The following STING1 variants were observed in gnomAD, a reference collection of about 807,000 sequenced individuals.
STING1 encodes stimulator of interferon genes protein.
In STING1, 19 loss-of-function variants were observed where a neutral mutation model predicts 31.6. That is an observed-to-expected ratio of 0.60 (90% CI 0.42 to 0.88). The LOEUF is 0.88. Among genes scored for constraint, STING1 ranks in the 40% least tolerant of loss-of-function variants. STING1 has a pLI of 0.00. For synonymous variants in STING1, 200 were observed against 208.6 expected, an observed-to-expected ratio of 0.96 and a Z score of 0.35; for missense variants, 371 against 483.7, an observed-to-expected ratio of 0.77 and a Z score of 2.19.
intron 5 of STING1, among the ~76,000 whole-genome samples, chr5:139,479,801 A>G (rs1034892121): frequency 2.1e-5 from 3 of 146,268 alleles, no homozygotes; most frequent in Non-Finnish European, 4.5e-5. Flanking sequence ...TCAAGAATTC[A>G]AGACCAGCCT....
rs2152092975 is a variant in STING1 at position 139,476,023 on chromosome 5, G to A, written c.*238C>T. On this transcript the variant is annotated 3_prime_UTR_variant, in exon 8 of 8. Coordinates refer to ENST00000330794, the MANE Select transcript of STING1 (RefSeq NM_198282.4). ...CACACTCAGTCCTCACAACAACCGTGAGGGAGGTAAGGCAGTGATTATGAT... is the reference window on the plus strand; with the variant it reads ...CACACTCAGTCCTCACAACAACCGTAAGGGAGGTAAGGCAGTGATTATGAT... 2 of 479,510 alleles carry A rather than the reference G, an allele frequency of 4.2e-6. No homozygotes were observed. Among genetic ancestry groups the A allele is most frequent in the South Asian group, 3.5e-5 (1 of 28,190 alleles). The allele number at this position is 479,510 out of a possible 1,614,324, so 29.7% of individuals were successfully genotyped here. A position where few individuals can be genotyped will look rare whatever the true frequency, so the allele number is the denominator to read the frequency against.
In STING1 at chr5:139,481,726, T is replaced by C; in HGVS notation, c.1-22A>G. The C allele has an allele frequency of 6.3e-7, 1 of 1,577,920 alleles. No individual in the cohort carries two copies. The highest frequency in any genetic ancestry group is 8.7e-7 in the Non-Finnish European group (1 of 1,152,972). On this transcript the variant is annotated intron_variant, in intron 2 of 7. Transcript: ENST00000330794. This position sits in a 1 kb window ranked among gnomAD's most constrained non-coding sequence, Gnocchi z 4.1. Reference sequence around the variant, plus strand: ...GCATCTGTGGGCACCAAGAAATCCATGACCATTCTCCCCTTGCCCTCCTGC... The same window carrying C: ...GCATCTGTGGGCACCAAGAAATCCACGACCATTCTCCCCTTGCCCTCCTGC...
chr5:139,478,330 A>C lies in STING1; in HGVS notation c.699T>G (p.Ala233=), dbSNP rs2152093563. ...DKLPQQTGDH[A]GIKDRVYSNS... ...TGCTGTAAACCCGATCCTTGATGCC[A>C]GCATGGTCACCGGTCTGCTGGGGCA... is the stretch of plus-strand genomic sequence containing the variant. The change falls in exon 6 of 8, where the codon GCT becomes GCG. Residue 233 remains alanine, a synonymous_variant. Transcript: ENST00000330794. The C allele has an allele frequency of 1.2e-6, 2 of 1,614,168 alleles. No individual in the cohort carries two copies. The highest frequency in any genetic ancestry group is 1.7e-5 in the Admixed American group (1 of 60,016).
chr5:139,476,336 G>T lies in STING1; in HGVS notation c.1065C>A (p.Ser355=), dbSNP rs1173366262. 3 of 1,612,360 alleles carry T rather than the reference G, an allele frequency of 1.9e-6. No homozygotes were observed. The highest frequency in any genetic ancestry group is 1.7e-6 in the Non-Finnish European group (2 of 1,179,752). ...GGAGCTCAGGCTCTTGGGACATCGTGGAGGTACTGGGCACCGCTGAGGTCT... is the reference window on the plus strand; with the variant it reads ...GGAGCTCAGGCTCTTGGGACATCGTTGAGGTACTGGGCACCGCTGAGGTCT... ...SLKTSAVPST[S]TMSQEPELLI... Residue 355 remains serine (S), a synonymous_variant, in exon 8 of 8, where the codon TCC becomes TCA. Coordinates refer to ENST00000330794, the MANE Select transcript of STING1 (RefSeq NM_198282.4).
chr5:139,481,842 C>T lies in STING1; in HGVS notation c.1-138G>A. The T allele has an allele frequency of 1.5e-6, 1 of 683,712 alleles. No homozygotes were observed. Among genetic ancestry groups the T allele is most frequent in the South Asian group, 2.0e-5 (1 of 49,452 alleles). 42.4% of individuals were successfully genotyped at this position (683,712 alleles called of 1,614,324 possible). ...CTCCCAGAGGCTGCTCTTAGAGACA[C>T]CTCTAGGAGGCAGGCTGGGAATAAG... On this transcript the variant is annotated intron_variant, in intron 2 of 7. Transcript: ENST00000330794. The surrounding 1 kb of genome is among the most constrained non-coding windows in gnomAD (Gnocchi z 4.1).
At chr5:139,478,675 C>G in intron 5 of STING1, 167 bp from the exon 6 acceptor site, 1 of 634,858 alleles carries the variant, frequency 1.6e-6, no homozygotes, top group East Asian at 2.6e-5. Context: ...CTCCAAAAGC[C>G]CTCCCCACCC....
intron 5 of STING1, 50 bp from the exon 6 acceptor site, chr5:139,478,558 C>A: frequency 6.5e-7 from 1 of 1,544,400 alleles, no homozygotes. Context: ...TATCTCCCAC[C>A]TGATTCAGGA....
At chr5:139,477,208 A>G in intron 7 of STING1, 121 bp downstream of exon 7, 1 of 1,030,888 alleles carries the variant, frequency 9.7e-7, no homozygotes, top group African/African-American at 1.6e-5. Flanking sequence ...TCTCCCAGGG[A>G]AGGAAGGACA....
Position 139,476,375 on chromosome 5 carries a change from A to G in STING1, c.1026T>C (p.Thr342=), listed in dbSNP as rs1396411021. The G allele has an allele frequency of 5.6e-6, 9 of 1,612,658 alleles. No homozygotes were observed. Among genetic ancestry groups the G allele is most frequent in the Admixed American group, 1.7e-5 (1 of 59,994 alleles). The change falls in exon 8 of 8, where the codon ACT becomes ACC. Residue 342 remains threonine (T), a synonymous_variant. Coordinates refer to ENST00000330794, the MANE Select transcript of STING1 (RefSeq NM_198282.4). ...HLRQEEKEEV[T]VGSLKTSAVP... is the part of the protein sequence containing the mutation. ...CCGCTGAGGTCTTCAAGCTGCCCAC[A>G]GTAACCTCTTCCTTTTCCTCCTGCC... is the stretch of plus-strand genomic sequence containing the variant.
intron 5 of STING1, chr5:139,479,192 A>T (rs1440918511): frequency 6.6e-6 from 1 of 151,754 alleles, no homozygotes; most frequent in Non-Finnish European, 1.5e-5. Context: ...TCTTGTCACC[A>T]CTGTACTCCA....
rs1173275930 is a variant in STING1, at chr5:139,478,501, C to T, written c.528G>A (p.Gln176=). The T allele has an allele frequency of 1.2e-6, 2 of 1,613,886 alleles. 1 individual carries two copies. The highest frequency in any genetic ancestry group is 2.2e-5 in the South Asian group (2 of 91,080). ...GYLRLILPEL[Q]ARIRTYNQHY... ...GCTGATTGTAAGTTCGAATCCGGGC[C>T]TGGAGCTCTGAGGCAGGGAAGCCCA... is the stretch of plus-strand genomic sequence containing the variant. The change falls in exon 6 of 8, where the codon CAG becomes CAA. Residue 176 remains glutamine, a synonymous_variant. Transcript: ENST00000330794.
chr5:139,479,885 G>A (rs369188402), intron 5 of STING1, among the ~76,000 whole-genome samples: 69 of 136,614 alleles, frequency 5.1e-4, no homozygotes, highest in African/African-American at 1.5e-3. Flanking sequence ...AAGCCATGCC[G>A]GTGGCAGGGA....
chr5:139,475,890 G>A lies in STING1; in HGVS notation c.*371C>T, dbSNP rs146354051. On this transcript the variant is annotated 3_prime_UTR_variant, in exon 8 of 8. Coordinates refer to ENST00000330794, the MANE Select transcript of STING1 (RefSeq NM_198282.4). ...ACCATTGAGAGAGTTCGGCGTCCCC[G>A]GGCAAAGGAAGGGGAGAAGGGTGGG... is the stretch of plus-strand genomic sequence containing the variant. 138 of 169,858 alleles carry A rather than the reference G, an allele frequency of 8.1e-4. No homozygotes were observed. Among genetic ancestry groups the A allele is most frequent in the Middle Eastern group, 5.8e-3 (2 of 346 alleles). The allele number at this position is 169,858 out of a possible 1,614,324, so 10.5% of individuals were successfully genotyped here. A position where few individuals can be genotyped will look rare whatever the true frequency, so the allele number is the denominator to read the frequency against.
Position 139,481,086 on chromosome 5 carries a change from A to G in STING1, c.411+73T>C. 6.8e-7 allele frequency: 1 copy of G among 1,474,638 alleles called. No homozygotes were observed. 91.3% of individuals were successfully genotyped at this position (1,474,638 alleles called of 1,614,324 possible). A position where few individuals can be genotyped will look rare whatever the true frequency, so the allele number is the denominator to read the frequency against. On this transcript the variant is annotated intron_variant, in intron 4 of 7. Transcript: ENST00000330794. The surrounding 1 kb of genome is among the most constrained non-coding windows in gnomAD (Gnocchi z 4.1). ...CCTTTAAACCAGTCCCACTCCCAGT[A>G]CTCAGCTCAGGGCAGGTCACACCAG...
At position 139,477,493 on chromosome 5, in the gene STING1, T is replaced by C; in HGVS notation, c.782A>G (p.Tyr261Cys). The C allele has an allele frequency of 6.2e-7, 1 of 1,614,036 alleles. No individual in the cohort carries two copies. The highest frequency in any genetic ancestry group is 8.5e-7 in the Non-Finnish European group (1 of 1,179,962). ...AAACAAAGTCTGCAAGGGGGTGGCG[T>C]ACTCCAGGACACAGGTGCCCGCCTA... is the stretch of plus-strand genomic sequence containing the variant. ...GQRAGTCVLE[Y>C]ATPLQTLFAM... Residue 261 changes from tyrosine (Y) to cysteine (C), a missense_variant, in exon 7 of 8, where the codon TAC becomes TGC. Tyr to Cys is a radical substitution (Grantham distance 194). Coordinates refer to ENST00000330794, the MANE Select transcript of STING1 (RefSeq NM_198282.4).
Position 139,476,451 on chromosome 5 carries a change from G to T in STING1, c.950C>A (p.Pro317His). 6.2e-7 allele frequency: 1 copy of T among 1,612,150 alleles called. No homozygotes were observed. Among genetic ancestry groups the T allele is most frequent in the Non-Finnish European group, 8.5e-7 (1 of 1,179,886 alleles). ...CAGCGAGAAGCTGCTGTCATCTGCA[G>T]GTTCTGGAACAGGGAGATAGGGGAG... Reference protein sequence around the residue: ...NNCRLIAYQEPADDSSFSLSQ... With the variant: ...NNCRLIAYQEHADDSSFSLSQ... Residue 317 changes from proline to histidine, a missense_variant, in exon 8 of 8, where the codon CCT becomes CAT. Transcript: ENST00000330794.
intron 6 of STING1, 55 bp from the exon 7 acceptor site, chr5:139,477,570 T>A: frequency 6.4e-7 from 1 of 1,561,678 alleles, no homozygotes; most frequent in Admixed American, 1.7e-5. Context: ...GGATGGAGAA[T>A]GGAGGGTCCA....
intron 6 of STING1, among the ~76,000 whole-genome samples, chr5:139,478,062 C>T (rs867997196): frequency 6.6e-5 from 10 of 152,202 alleles, no homozygotes; most frequent in African/African-American, 2.4e-4. Flanking sequence ...TCAGATGACA[C>T]ACCCAGAATA....
At chr5:139,482,354 G>A (rs1751881322) in intron 1 of STING1, 52 bp from the exon 2 acceptor site, 2 of 152,164 alleles carry the variant, frequency 1.3e-5, no homozygotes, top group Non-Finnish European at 2.9e-5. Context: ...CTCTAGCCCT[G>A]GCGTTTCTCC....
Sources: gnomAD v4.1 joint callset for allele counts (sites outside exome capture counted in the v4.1 genomes callset) on GRCh38, gnomAD v4.1.1 for gene constraint, Gnocchi (gnomAD v3.1) non-coding constraint, MANE v1.5 for transcripts, NCBI Gene and HGNC (gene_info 2026-07-23, HGNC 2026-07-21) for gene names.